MAGI2: variants seen among roughly 807,000 people sequenced by gnomAD.
MAGI2 encodes membrane-associated guanylate kinase, WW and PDZ domain-containing protein 2.
Under a neutral mutation model 133.3 loss-of-function variants are expected in MAGI2, and 35 were observed. The ratio of observed to expected loss-of-function variants is 0.26; its 90% confidence interval spans 0.20 to 0.35. MAGI2 has a LOEUF of 0.35. Ranked by LOEUF, MAGI2 falls within the 10% of genes least tolerant of loss-of-function variation. The pLI is 1.00. For missense variants in MAGI2, 1,636 were observed against 1,863.4 expected, an observed-to-expected ratio of 0.88 and a Z score of 2.25; for synonymous variants, 729 against 710.6, an observed-to-expected ratio of 1.03 and a Z score of -0.41.
chr7:78,435,775 G>A (rs895845840), intron 6 of MAGI2, among the ~76,000 whole-genome samples: 1 of 152,070 alleles, frequency 6.6e-6, no homozygotes, highest in Non-Finnish European at 1.5e-5. Context: ...TTGAAAATCT[G>A]GAGCCCAGAA....
intron 20 of MAGI2, among the ~76,000 whole-genome samples, chr7:78,120,797 C>G (rs1344135420): frequency 6.6e-6 from 1 of 150,898 alleles, no homozygotes; most frequent in Admixed American, 6.6e-5. Flanking sequence ...GTCAGGAGAT[C>G]GAGACCATCC....
intron 2 of MAGI2, among the ~76,000 whole-genome samples, chr7:78,650,537 C>G (rs1811447664): frequency 6.6e-6 from 1 of 152,084 alleles, no homozygotes; most frequent in Admixed American, 6.6e-5. Context: ...GATTTAACTT[C>G]AAAATATGTG....
intron 21 of MAGI2, among the ~76,000 whole-genome samples, chr7:78,062,645 T>G (rs1387018429): frequency 6.6e-6 from 1 of 151,714 alleles, no homozygotes; most frequent in East Asian, 1.9e-4. Flanking sequence ...GGCGCTCCTC[T>G]CTCTGTATGC....
intron 2 of MAGI2, among the ~76,000 whole-genome samples, chr7:78,656,990 A>T (rs1369251182): frequency 1.1e-5 from 1 of 94,570 alleles, no homozygotes. Context: ...AACCCAGTAT[A>T]AAAAAAAAAA....
chr7:78,246,361 C>T (rs546245799), intron 10 of MAGI2, among the ~76,000 whole-genome samples: 1 of 152,194 alleles, frequency 6.6e-6, no homozygotes, highest in East Asian at 1.9e-4. Flanking sequence ...TGAGCTGAAG[C>T]AGCACATTGC....
intron 6 of MAGI2, among the ~76,000 whole-genome samples, chr7:78,461,490 T>C (rs1292407895): frequency 6.6e-6 from 1 of 152,036 alleles, no homozygotes; most frequent in Non-Finnish European, 1.5e-5. Context: ...TCATATTTTG[T>C]ATAGCTTTAA....
intron 2 of MAGI2, among the ~76,000 whole-genome samples, chr7:78,890,053 AC>A (rs1563629475): frequency 6.6e-6 from 1 of 152,210 alleles, no homozygotes; most frequent in African/African-American, 2.4e-5. Context: ...GCAAATGAAA[AC>A]AAAAAAGGCA....
chr7:79,271,896 A>G (rs1255097263), intron 1 of MAGI2, among the ~76,000 whole-genome samples: 1 of 152,068 alleles, frequency 6.6e-6, no homozygotes, highest in African/African-American at 2.4e-5. Context: ...ACAGTCTTCA[A>G]AGGATTCTGA....
At chr7:78,587,156 A>G (rs1326228723) in intron 3 of MAGI2, among the ~76,000 whole-genome samples, 1 of 152,204 alleles carries the variant, frequency 6.6e-6, no homozygotes, top group Non-Finnish European at 1.5e-5. Context: ...GAACCACTAT[A>G]CTGTTTTCCA....
rs763158747 is a variant in MAGI2 at position 78,396,248 on chromosome 7, C to T, written c.1046-27035G>A. Among the ~76,000 whole-genome samples the T allele has an allele frequency of 5.3e-5, 8 of 152,196 alleles. No individual in the cohort carries two copies. The South Asian group carries it at 1.2e-3, about 24-fold the overall frequency. The stretch of plus-strand genomic sequence containing the variant: ...TACAATCATACCCCATTAAAAAATA[C>T]CCTCCCATGTGATTCAGGAAAAAAA... On this transcript the variant is annotated intron_variant, in intron 6 of 21. Transcript: ENST00000354212.
At chr7:78,239,015 A>T (rs1427969246) in intron 10 of MAGI2, among the ~76,000 whole-genome samples, 1 of 151,714 alleles carries the variant, frequency 6.6e-6, no homozygotes, top group African/African-American at 2.4e-5. Flanking sequence ...CCCTGCCTCA[A>T]AATCTTCTGC....
In MAGI2 at chr7:78,019,514, G is replaced by T; in HGVS notation, c.4169C>A (p.Ala1390Asp). ...GCCGCTGCCGCCGCCGCCCGGGCCGGCAAACGCCGGCGCAGCCCCCGGGCC... is the reference window on the plus strand; with the variant it reads ...GCCGCTGCCGCCGCCGCCCGGGCCGTCAAACGCCGGCGCAGCCCCCGGGCC... Reference protein sequence around the residue: ...REGPGAAPAFAGPGGGGSGAL... With the variant: ...REGPGAAPAFDGPGGGGSGAL... Residue 1390 changes from alanine to aspartate, a missense_variant, in exon 22 of 22, where the codon GCC becomes GAC. Ala to Asp is a moderately radical substitution (Grantham distance 126, BLOSUM62 -2). This residue lies in a region of MAGI2 where 354 missense variants were observed against 298.7 expected (regional missense o/e 1.19). Transcript: ENST00000354212. 1.0e-6 allele frequency: 1 copy of T among 980,168 alleles called. No homozygotes were observed. Among genetic ancestry groups the T allele is most frequent in the Non-Finnish European group, 1.2e-6 (1 of 828,156 alleles). The allele number at this position is 980,168 out of a possible 1,614,324, so 60.7% of individuals were successfully genotyped here. A position where few individuals can be genotyped will look rare whatever the true frequency, so the allele number is the denominator to read the frequency against.
intron 2 of MAGI2, among the ~76,000 whole-genome samples, chr7:78,743,971 ATGAG>A (rs1443435933): frequency 1.3e-5 from 2 of 152,056 alleles, no homozygotes; most frequent in Non-Finnish European, 2.9e-5. Context: ...CTTTTTGTGT[ATGAG>A]TATTTATTTT....
At chr7:78,935,301 A>G (rs1350625028) in intron 2 of MAGI2, among the ~76,000 whole-genome samples, 1 of 152,136 alleles carries the variant, frequency 6.6e-6, no homozygotes, top group African/African-American at 2.4e-5. Context: ...TCAGTTGAAT[A>G]TGTTTATAAA....
chr7:79,419,135 A>G (rs1035307786), intron 1 of MAGI2, among the ~76,000 whole-genome samples: 1 of 152,062 alleles, frequency 6.6e-6, no homozygotes, highest in Non-Finnish European at 1.5e-5. Context: ...TAAAATATTA[A>G]AATGAATAAC....
chr7:78,955,775 T>G (rs977118251), intron 2 of MAGI2, among the ~76,000 whole-genome samples: 1 of 150,150 alleles, frequency 6.7e-6, no homozygotes, highest in East Asian at 2.0e-4. Context: ...CTTTCTTTCT[T>G]TCTTTCTTTC....
intron 6 of MAGI2, among the ~76,000 whole-genome samples, chr7:78,401,382 G>A (rs920498806): frequency 6.6e-6 from 1 of 152,078 alleles, no homozygotes; most frequent in African/African-American, 2.4e-5. Context: ...CATTTCTTTG[G>A]TAATGGCTTG....
At chr7:78,761,509 A>C (rs1030004163) in intron 2 of MAGI2, among the ~76,000 whole-genome samples, 1 of 144,256 alleles carries the variant, frequency 6.9e-6, no homozygotes, top group Non-Finnish European at 1.5e-5. Flanking sequence ...TCTGTCCCCC[A>C]GGCTGGAGTG....
chr7:79,450,810 C>A (rs923678814), intron 1 of MAGI2, among the ~76,000 whole-genome samples: 2 of 152,130 alleles, frequency 1.3e-5, no homozygotes, highest in African/African-American at 2.4e-5. Context: ...TTCATGGATA[C>A]CCACAATGAT....
Sources: allele counts gnomAD v4.1 joint callset (sites outside exome capture counted in the v4.1 genomes callset), GRCh38; gene constraint gnomAD v4.1.1; regional missense constraint gnomAD v4.1.1; transcripts MANE v1.5; gene names NCBI Gene and HGNC (gene_info 2026-07-23, HGNC 2026-07-21).